The following CC2D2A variants were observed in gnomAD, a reference collection of about 807,000 sequenced individuals.
CC2D2A encodes the protein coiled-coil and C2 domain-containing protein 2A.
CC2D2A carries 155 observed loss-of-function variants against 212.9 expected under a neutral mutation model. That is an observed-to-expected ratio of 0.73 (90% CI 0.64 to 0.83). The LOEUF (loss-of-function observed/expected upper bound fraction) is 0.83, where lower values mean the gene tolerates loss of function less well. CC2D2A is among the 40% of genes least tolerant of loss of function. CC2D2A has a pLI of 0.00. For missense variants in CC2D2A, 1,856 were observed against 1,956.2 expected (o/e 0.95, Z 0.97); for synonymous variants, 667 against 686.5 (o/e 0.97, Z 0.44).
chr4:15,499,456 C>T (rs574316913), intron 4 of CC2D2A, among the ~76,000 whole-genome samples: 2 of 152,168 alleles, frequency 1.3e-5, no homozygotes, highest in African/African-American at 2.4e-5. Flanking sequence ...TGATAAATGT[C>T]ATAATTTCAA....
intron 4 of CC2D2A, among the ~76,000 whole-genome samples, chr4:15,493,970 T>C (rs1374990284): frequency 6.6e-6 from 1 of 152,036 alleles, no homozygotes; most frequent in East Asian, 1.9e-4. Context: ...TTCATGAAGC[T>C]CGTTCTGAGA....
At chr4:15,500,097 G>GTATATATATATA (rs1487111003) in intron 4 of CC2D2A, among the ~76,000 whole-genome samples, 5 of 53,022 alleles carry the variant, frequency 9.4e-5, no homozygotes, top group African/African-American at 2.8e-4. Context: ...GTGTGTGTGT[G>GTATATATATATA]TGTGTGTGTG....
intron 1 of CC2D2A, among the ~76,000 whole-genome samples, chr4:15,474,300 C>T (rs1714026336): frequency 6.6e-6 from 1 of 152,170 alleles, no homozygotes; most frequent in Admixed American, 6.5e-5. Flanking sequence ...TCTGACCCTT[C>T]CATGCCTGGC....
chr4:15,479,820 A>G (rs184975140), intron 3 of CC2D2A, among the ~76,000 whole-genome samples: 107 of 152,340 alleles, frequency 7.0e-4, no homozygotes, highest in Middle Eastern at 3.4e-3. Flanking sequence ...TCACAGGCAC[A>G]GTGAGCAAGT....
chr4:15,486,942 T>G (rs971306998), intron 4 of CC2D2A, among the ~76,000 whole-genome samples: 7 of 152,036 alleles, frequency 4.6e-5, no homozygotes, highest in Non-Finnish European at 1.0e-4. Flanking sequence ...TTTTATGAAT[T>G]TGTAGAGTTT....
At chr4:15,549,710 G>C (rs1431223379) in intron 17 of CC2D2A, among the ~76,000 whole-genome samples, 1 of 152,144 alleles carries the variant, frequency 6.6e-6, no homozygotes, top group Non-Finnish European at 1.5e-5. Context: ...GGCTGGGGCA[G>C]GAGAATCGCT....
chr4:15,492,574 G>C (rs1577321874), intron 4 of CC2D2A, among the ~76,000 whole-genome samples: 3 of 151,894 alleles, frequency 2.0e-5, no homozygotes, highest in East Asian at 3.9e-4. Flanking sequence ...GGCTCCCTAG[G>C]CTCCTCCCTC....
rs1354867156 is a variant in CC2D2A, at chr4:15,502,903, G to C, written c.418G>C (p.Glu140Gln). The C allele has an allele frequency of 1.2e-6, 2 of 1,610,054 alleles. No homozygotes were observed. Among genetic ancestry groups the C allele is most frequent in the Middle Eastern group, 1.7e-4 (1 of 6,048 alleles). Residue 140 changes from glutamate to glutamine, a missense_variant, in exon 6 of 37, where the codon GAG becomes CAG. This residue lies in a region of CC2D2A where 1,512 missense variants were observed against 1,579.3 expected (regional missense o/e 0.96). Coordinates refer to ENST00000424120, the MANE Select transcript of CC2D2A (RefSeq NM_001378615.1). ...ACGAAGTCCCAGTAAGAAAGAATTG[G>C]AGACTGAATTTGGCACAGAGGTGAG... The part of the protein sequence containing the change: ...RLRSPSKKEL[E>Q]TEFGTEPGKE...
Position 15,601,319 on chromosome 4 carries a change from T to C in CC2D2A, c.4757T>C (p.Ile1586Thr), listed in dbSNP as rs764003107. 3.7e-6 allele frequency: 6 copies of C among 1,611,314 alleles called. No individual in the cohort carries two copies. The highest frequency in any genetic ancestry group is 2.7e-5 in the African/African-American group (2 of 74,918). ...GTGTATAGTACTGGAGTACATAATA[T>C]TGATGTTCCTAATGTTGAATTTGCT... ...DAVYSTGVHN[I>T]DVPNVEFALA... The change falls in exon 37 of 37, where the codon ATT becomes ACT. Residue 1586 changes from isoleucine (I) to threonine (T), a missense_variant. By Grantham distance (89) the Ile-to-Thr change is moderately conservative (BLOSUM62 -1). Transcript: ENST00000424120.
chr4:15,584,546 T>C (rs1720783263), intron 30 of CC2D2A, among the ~76,000 whole-genome samples: 1 of 152,142 alleles, frequency 6.6e-6, no homozygotes, highest in African/African-American at 2.4e-5. Context: ...ACTATGAAAC[T>C]ATTAAAAGAC....
At position 15,483,471 on chromosome 4, in the gene CC2D2A, C is replaced by A. The variant is rs532098310; in HGVS notation, c.247+2644C>A. Among the ~76,000 whole-genome samples, 11 of 152,292 alleles carry A rather than the reference C, an allele frequency of 7.2e-5. No individual in the cohort carries two copies. The South Asian group carries it at 2.3e-3, about 32-fold the overall frequency. ...CCAGTCATAGAAATCACCTATCAGT[C>A]CTTTCGACATATTTGTTAGAAGCAT... On this transcript the variant is annotated intron_variant, in intron 4 of 36. Coordinates refer to ENST00000424120, the MANE Select transcript of CC2D2A (RefSeq NM_001378615.1).
chr4:15,553,145 GGT>G lies in CC2D2A; in HGVS notation c.2339-10_2339-9del, dbSNP rs886059157. The G allele has an allele frequency of 2.5e-6, 4 of 1,583,142 alleles. No individual in the cohort carries two copies. Among genetic ancestry groups the G allele is most frequent in the Non-Finnish European group, 3.4e-6 (4 of 1,168,778 alleles). ...TTCTAAACAGCATCCTGTTTAATCT[GGT>G]GTTTCCCCAGGAGTGCCCTTCTCAT... On this transcript the variant is annotated splice_polypyrimidine_tract_variant and intron_variant, in intron 18 of 36. Transcript: ENST00000424120.
chr4:15,506,602 CAA>C (rs1560154953), intron 6 of CC2D2A, among the ~76,000 whole-genome samples: 2 of 152,116 alleles, frequency 1.3e-5, no homozygotes, highest in Non-Finnish European at 2.9e-5. Context: ...TGTGTGTTTT[CAA>C]ACACATCAGT....
intron 29 of CC2D2A, among the ~76,000 whole-genome samples, chr4:15,577,891 C>T (rs1720481193): frequency 6.6e-6 from 1 of 152,142 alleles, no homozygotes; most frequent in Non-Finnish European, 1.5e-5. Context: ...GAGGATTCTT[C>T]CATACTCATT....
At chr4:15,486,910 G>T (rs922821602) in intron 4 of CC2D2A, among the ~76,000 whole-genome samples, 1 of 151,680 alleles carries the variant, frequency 6.6e-6, no homozygotes, top group Non-Finnish European at 1.5e-5. Flanking sequence ...CCCAATTGTT[G>T]TTCTGGAGTG....
At chr4:15,526,040 C>A (rs1717492029) in intron 11 of CC2D2A, among the ~76,000 whole-genome samples, 1 of 152,196 alleles carries the variant, frequency 6.6e-6, no homozygotes, top group Non-Finnish European at 1.5e-5. Context: ...ATAAAACAAT[C>A]TGTTCAAAAC....
intron 1 of CC2D2A, among the ~76,000 whole-genome samples, chr4:15,473,443 A>G (rs1713967942): frequency 1.3e-5 from 2 of 152,180 alleles, no homozygotes; most frequent in Admixed American, 1.3e-4. Flanking sequence ...ATATCTTGGG[A>G]AAAAGGAGAA....
intron 18 of CC2D2A, 53 bp downstream of exon 18, chr4:15,551,033 T>A: frequency 2.2e-6 from 3 of 1,387,144 alleles, no homozygotes; most frequent in Non-Finnish European, 3.0e-6. Context: ...CAGATTTGAA[T>A]GTGTATATAT....
intron 23 of CC2D2A, among the ~76,000 whole-genome samples, chr4:15,562,421 G>A (rs1192359601): frequency 6.6e-6 from 1 of 152,328 alleles, no homozygotes; most frequent in East Asian, 1.9e-4. Context: ...GTCCATGAAC[G>A]TTTCTCCTAT....
Sources: gnomAD v4.1 joint callset for allele counts (sites outside exome capture counted in the v4.1 genomes callset) on GRCh38, gnomAD v4.1.1 for gene constraint, gnomAD v4.1.1 regional missense constraint, MANE v1.5 for transcripts, NCBI Gene and HGNC (gene_info 2026-07-23, HGNC 2026-07-21) for gene names.